Variants in TJP1 observed in about 807,000 individuals in gnomAD.
TJP1 encodes the protein tight junction protein ZO-1.
In TJP1, 43 loss-of-function variants were observed where a neutral mutation model predicts 194.2. The observed-to-expected ratio is 0.22, with a 90% CI of 0.17 to 0.29. The LOEUF is 0.29. TJP1 is among the 10% of genes least tolerant of loss of function. TJP1 has a pLI of 1.00. For synonymous variants in TJP1, 801 were observed against 779.0 expected (o/e 1.03, Z -0.47); for missense variants, 1,971 against 2,185.7 (o/e 0.90, Z 1.96).
chr15:29,954,819 G>A (rs1186440848), intron 2 of TJP1, among the ~76,000 whole-genome samples: 3 of 152,226 alleles, frequency 2.0e-5, no homozygotes, highest in African/African-American at 2.4e-5. Flanking sequence ...GGTGGCTCAC[G>A]CCTGTAATCC....
At position 29,868,150 on chromosome 15, in the gene TJP1, T is replaced by C. The variant is rs185270046; in HGVS notation, c.307-67448A>G. 1.3e-4 allele frequency among the ~76,000 whole-genome samples: 20 copies of C among 152,076 alleles called. No homozygotes were observed. The East Asian group carries it at 3.9e-3, about 29-fold the overall frequency. The stretch of plus-strand genomic sequence containing the variant: ...GAGGTGGAATGATCGTTTGAGCCTA[T>C]AAGTTCAAAGTTATAGTCATGTTTT... On this transcript the variant is annotated intron_variant, in intron 2 of 28. Transcript: ENST00000356107.
intron 5 of TJP1, among the ~76,000 whole-genome samples, chr15:29,763,622 C>G (rs1420620905): frequency 6.6e-6 from 1 of 152,002 alleles, no homozygotes; most frequent in African/African-American, 2.4e-5. Context: ...AAAAAATTAG[C>G]TGGGCATGGT....
chr15:29,883,211 A>G (rs1409533357), intron 2 of TJP1, among the ~76,000 whole-genome samples: 2 of 152,342 alleles, frequency 1.3e-5, no homozygotes, highest in East Asian at 3.9e-4. Context: ...GGAATTTAAC[A>G]AAGTAAAAGA....
intron 1 of TJP1, among the ~76,000 whole-genome samples, chr15:29,820,007 G>A (rs1203106891): frequency 1.3e-5 from 2 of 152,140 alleles, no homozygotes; most frequent in African/African-American, 4.8e-5. Context: ...TATCAAGAAA[G>A]CAAAGATAAT....
chr15:29,893,123 G>A (rs1402075926), intron 2 of TJP1, among the ~76,000 whole-genome samples: 1 of 152,150 alleles, frequency 6.6e-6, no homozygotes, highest in African/African-American at 2.4e-5. Flanking sequence ...ACTTTGAGGG[G>A]TTCAATAGTT....
chr15:29,843,728 G>A lies in TJP1; in HGVS notation c.307-43026C>T, dbSNP rs949299102. On this transcript the variant is annotated intron_variant, in intron 2 of 28. Coordinates refer to the TJP1 transcript ENST00000356107. Reference sequence around the variant, plus strand: ...TGCTAGAGAGGAAAAACTAAGTGAAGAAAGTGAAGGAGGAGGATAGGGCAT... The same window carrying A: ...TGCTAGAGAGGAAAAACTAAGTGAAAAAAGTGAAGGAGGAGGATAGGGCAT... Among the ~76,000 whole-genome samples the A allele has an allele frequency of 1.2e-4, 18 of 152,330 alleles. No homozygotes were observed. The East Asian group carries it at 1.5e-3, about 13-fold the overall frequency.
upstream of TJP1, chr15:29,822,657 C>T (rs1037895303): frequency 9.7e-5 from 20 of 206,442 alleles, no homozygotes; most frequent in Admixed American, 3.3e-4. Context: ...AAGACAGTTT[C>T]CGCTGCCGTG....
intron 2 of TJP1, among the ~76,000 whole-genome samples, chr15:29,853,339 C>T (rs561198301): frequency 2.6e-5 from 4 of 152,018 alleles, no homozygotes; most frequent in Admixed American, 2.0e-4. Flanking sequence ...TATCTCAATC[C>T]GATAGTAGAT....
intron 2 of TJP1, among the ~76,000 whole-genome samples, chr15:29,918,000 C>G (rs960867075): frequency 2.6e-5 from 4 of 152,154 alleles, no homozygotes; most frequent in Admixed American, 1.3e-4. Flanking sequence ...CTCCCTCTTT[C>G]CCCCAAACCC....
intron 2 of TJP1, among the ~76,000 whole-genome samples, chr15:29,834,766 A>C (rs2050968578): frequency 6.6e-6 from 1 of 152,164 alleles, no homozygotes; most frequent in Non-Finnish European, 1.5e-5. Context: ...AAGTGCAGCA[A>C]AAACCGGCAG....
chr15:29,715,041 G>A (rs1336919792), intron 23 of TJP1, among the ~76,000 whole-genome samples: 1 of 152,196 alleles, frequency 6.6e-6, no homozygotes, highest in Non-Finnish European at 1.5e-5. Flanking sequence ...GCTCACTTTA[G>A]GCTAGTCACC....
intron 2 of TJP1, among the ~76,000 whole-genome samples, chr15:29,893,352 G>A (rs1309906324): frequency 6.6e-6 from 1 of 152,188 alleles, no homozygotes; most frequent in African/African-American, 2.4e-5. Flanking sequence ...AAAGGATTTA[G>A]AATACTCATA....
rs3803382 is a variant in TJP1 at position 29,733,010 on chromosome 15, A to G, written c.1736+84T>C. ...AATACAATGAAAAAGAATTCTTTAC[A>G]TTACCAAAATTTCCCAGTGGGATTG... is the stretch of plus-strand genomic sequence containing the variant. On this transcript the variant is annotated intron_variant, in intron 13 of 27. Transcript: ENST00000614355. 201 of 1,462,812 alleles carry G rather than the reference A, an allele frequency of 1.4e-4. No homozygotes were observed. The East Asian group carries it at 1.9e-3, about 14-fold the overall frequency. The allele number at this position is 1,462,812 out of a possible 1,614,324, so 90.6% of individuals were successfully genotyped here. A position where few individuals can be genotyped will look rare whatever the true frequency, so the allele number is the denominator to read the frequency against.
At chr15:29,791,505 C>G (rs2048089192) in intron 2 of TJP1, among the ~76,000 whole-genome samples, 1 of 148,636 alleles carries the variant, frequency 6.7e-6, no homozygotes, top group African/African-American at 2.5e-5. Flanking sequence ...ACTCCAAGCT[C>G]CACCTCCCAG....
intron 4 of TJP1, among the ~76,000 whole-genome samples, chr15:29,770,979 C>T (rs1165898843): frequency 6.6e-6 from 1 of 152,134 alleles, no homozygotes; most frequent in African/African-American, 2.4e-5. Context: ...CATTCACTCA[C>T]CACTCACTCG....
chr15:29,869,938 G>A (rs919042183), intron 2 of TJP1, among the ~76,000 whole-genome samples: 4 of 150,680 alleles, frequency 2.7e-5, no homozygotes, highest in Admixed American at 2.7e-4. Flanking sequence ...TCCCGAGTAG[G>A]TGGGATTATA....
chr15:29,756,158 G>T (rs2045631501), intron 8 of TJP1, among the ~76,000 whole-genome samples: 1 of 152,060 alleles, frequency 6.6e-6, no homozygotes, highest in Non-Finnish European at 1.5e-5. Context: ...TACCCACTCA[G>T]TAATCACCAA....
chr15:29,943,151 A>T (rs1206644388), intron 2 of TJP1, among the ~76,000 whole-genome samples: 3 of 152,232 alleles, frequency 2.0e-5, no homozygotes, highest in Non-Finnish European at 4.4e-5. Context: ...AAGGGATTTT[A>T]TATGTGTAAG....
intron 2 of TJP1, among the ~76,000 whole-genome samples, chr15:29,869,801 T>TC (rs1567150644): frequency 6.8e-5 from 8 of 117,870 alleles, no homozygotes; most frequent in African/African-American, 2.7e-4. Flanking sequence ...CTTTCTTTTT[T>TC]TTTTTTTTTT....
Sources: gnomAD v4.1 joint callset for allele counts (sites outside exome capture counted in the v4.1 genomes callset) on GRCh38, gnomAD v4.1.1 for gene constraint, MANE v1.5 for transcripts, NCBI Gene and HGNC (gene_info 2026-07-23, HGNC 2026-07-21) for gene names.